The following SGCE variants were observed in gnomAD, a reference collection of about 807,000 sequenced individuals.
The protein encoded by SGCE is sarcoglycan epsilon.
Under a neutral mutation model 57.8 loss-of-function variants are expected in SGCE, and 26 were observed. That is an observed-to-expected ratio of 0.45 (90% CI 0.33 to 0.62). The LOEUF is 0.62. Ranked by LOEUF, SGCE falls within the 20% of genes least tolerant of loss-of-function variation. The pLI is 0.02. For missense variants in SGCE, 468 were observed against 548.6 expected (o/e 0.85, Z 1.47); for synonymous variants, 183 against 189.5 (o/e 0.97, Z 0.28).
intron 5 of SGCE, among the ~76,000 whole-genome samples, chr7:94,606,682 T>C (rs968663983): frequency 2.0e-4 from 30 of 152,178 alleles, no homozygotes; most frequent in Non-Finnish European, 3.1e-4. Flanking sequence ...ACATTCTTCT[T>C]AAGTACACAT....
At chr7:94,645,032 T>C (rs1283424780) in intron 1 of SGCE, among the ~76,000 whole-genome samples, 1 of 152,226 alleles carries the variant, frequency 6.6e-6, no homozygotes, top group Admixed American at 6.5e-5. Flanking sequence ...ACAATGAGAC[T>C]ACCAAGTTTA....
At chr7:94,606,455 T>A (rs1213655616) in intron 5 of SGCE, among the ~76,000 whole-genome samples, 1 of 152,168 alleles carries the variant, frequency 6.6e-6, no homozygotes, top group Non-Finnish European at 1.5e-5. Context: ...ATATGCCTCA[T>A]AACAGTGCAT....
At chr7:94,646,460 C>G (rs1160678222) in intron 1 of SGCE, among the ~76,000 whole-genome samples, 5 of 152,122 alleles carry the variant, frequency 3.3e-5, no homozygotes, top group African/African-American at 1.2e-4. Flanking sequence ...GGGAACAGAA[C>G]TATATATCTC....
chr7:94,608,662 A>C (rs1190827088), intron 5 of SGCE, among the ~76,000 whole-genome samples: 1 of 152,198 alleles, frequency 6.6e-6, no homozygotes, highest in African/African-American at 2.4e-5. Flanking sequence ...ACACTACCCA[A>C]CATCAAGATT....
chr7:94,618,695 GT>G (rs1349144216), intron 5 of SGCE, 62 bp downstream of exon 5: 3 of 1,387,178 alleles, frequency 2.2e-6, no homozygotes, highest in Non-Finnish European at 3.1e-6. Context: ...TCTATAATAA[GT>G]TTGATAAGAT....
chr7:94,614,682 TGTA>T (rs1197533373), intron 5 of SGCE, among the ~76,000 whole-genome samples: 1 of 152,150 alleles, frequency 6.6e-6, no homozygotes, highest in Non-Finnish European at 1.5e-5. Context: ...GGTGTAGAAA[TGTA>T]GTGAGAGAGG....
chr7:94,650,802 C>T (rs1341879635), intron 1 of SGCE, among the ~76,000 whole-genome samples: 1 of 152,208 alleles, frequency 6.6e-6, no homozygotes, highest in African/African-American at 2.4e-5. Context: ...CCCACCGATG[C>T]TAGTTCTACT....
chr7:94,628,139 C>T (rs1584691169), intron 3 of SGCE, 63 bp downstream of exon 3: 2 of 674,290 alleles, frequency 3.0e-6, no homozygotes, highest in Non-Finnish European at 4.2e-6. Flanking sequence ...AATTACAATA[C>T]ACACACACAC....
chr7:94,623,510 G>A (rs1803175844), intron 3 of SGCE, 113 bp from the exon 4 acceptor site: 1 of 726,698 alleles, frequency 1.4e-6, no homozygotes, highest in South Asian at 1.7e-5. Context: ...ATTATTTGTT[G>A]ATATACTTAC....
Position 94,600,821 on chromosome 7 carries a change from C to T in SGCE, c.862G>A (p.Val288Met). The T allele has an allele frequency of 1.2e-6, 2 of 1,612,624 alleles. No individual in the cohort carries two copies. Among genetic ancestry groups the T allele is most frequent in the African/African-American group, 1.3e-5 (1 of 75,040 alleles). Residue 288 changes from valine to methionine, a missense_variant, in exon 7 of 11, where the codon GTG (valine) becomes ATG (methionine). Physicochemically the swap from Val to Met is conservative, Grantham distance 21. Coordinates refer to ENST00000648936, the MANE Select transcript of SGCE (RefSeq NM_003919.3). ...GGTAAAATCCCCTCTCCACGAATCACTTCCTGATAGGTGGACACTTGCTTT... is the reference window on the plus strand; with the variant it reads ...GGTAAAATCCCCTCTCCACGAATCATTTCCTGATAGGTGGACACTTGCTTT... ...KTKQVSTYQE[V>M]IRGEGILPDG... is the part of the protein sequence containing the mutation.
chr7:94,614,106 TCAAAAAAAAAAAA>T (rs1221840284), intron 5 of SGCE, among the ~76,000 whole-genome samples: 1 of 55,172 alleles, frequency 1.8e-5, no homozygotes, highest in Non-Finnish European at 3.4e-5. Context: ...CAAATTGAAA[TCAAAAAAAAAAAA>T]AAAAAAAAAA....
intron 1 of SGCE, among the ~76,000 whole-genome samples, chr7:94,648,715 T>G (rs903527444): frequency 1.3e-5 from 2 of 152,186 alleles, no homozygotes; most frequent in Admixed American, 1.3e-4. Flanking sequence ...GAAAAGCCAA[T>G]GTCATTTTAC....
intron 1 of SGCE, among the ~76,000 whole-genome samples, chr7:94,643,206 T>C (rs1806633007): frequency 6.6e-6 from 1 of 152,226 alleles, no homozygotes; most frequent in Non-Finnish European, 1.5e-5. Context: ...ATTTTAGGTC[T>C]ATGGAATTTT....
chr7:94,621,299 C>G (rs1226575786), intron 4 of SGCE: 1 of 152,356 alleles, frequency 6.6e-6, no homozygotes, highest in East Asian at 1.9e-4. Flanking sequence ...GGGCCACTAA[C>G]CCTACACAAA....
rs369671626 is a variant in SGCE at position 94,589,336 on chromosome 7, TC to T, written c.1254-605del. ...GACATTTCTTTTTGTCTCATTTGGA[TC>T]TGCCCCATTCCTCCCCATCTCCATT... is the stretch of plus-strand genomic sequence containing the variant. On this transcript the variant is annotated intron_variant, in intron 9 of 10. Coordinates refer to ENST00000648936, the MANE Select transcript of SGCE (RefSeq NM_003919.3). The T allele has an allele frequency of 4.7e-3, 737 of 156,732 alleles. 3 individuals carry two copies. Among genetic ancestry groups the T allele is most frequent in the African/African-American group, 0.017 (700 of 41,562 alleles). 9.7% of individuals were successfully genotyped at this position (156,732 alleles called of 1,614,324 possible). A position where few individuals can be genotyped will look rare whatever the true frequency, so the allele number is the denominator to read the frequency against.
chr7:94,608,019 T>C (rs1800419384), intron 5 of SGCE, among the ~76,000 whole-genome samples: 1 of 152,160 alleles, frequency 6.6e-6, no homozygotes, highest in Non-Finnish European at 1.5e-5. Context: ...ATCACTTTCC[T>C]ATATACCAGC....
chr7:94,620,395 ATGT>A lies in SGCE; in HGVS notation c.464-1442_464-1440del, dbSNP rs553023609. 638 of 152,262 alleles carry A rather than the reference ATGT, an allele frequency of 4.2e-3. 3 individuals are homozygous for A. Among genetic ancestry groups the A allele is most frequent in the African/African-American group, 0.014 (569 of 41,562 alleles). The allele number at this position is 152,262 out of a possible 1,614,324, so 9.4% of individuals were successfully genotyped here. ...CTTACAATTTTGTTAGATTTCCTTA[ATGT>A]ATAGCCCATCTGCAATTTAAAATAT... On this transcript the variant is annotated intron_variant, in intron 4 of 10. Transcript: ENST00000648936.
chr7:94,639,481 G>T, intron 1 of SGCE: 1 of 1,281,130 alleles, frequency 7.8e-7, no homozygotes, highest in South Asian at 1.3e-5. Context: ...ACAAAAAAAT[G>T]AAATTAATGT....
chr7:94,587,871 A>T, intron 10 of SGCE: 2 of 1,519,104 alleles, frequency 1.3e-6, no homozygotes, highest in Non-Finnish European at 1.8e-6. Flanking sequence ...CATCCAACAC[A>T]TTTCTGAATG....
Sources: gnomAD v4.1 joint callset for allele counts (sites outside exome capture counted in the v4.1 genomes callset) on GRCh38, gnomAD v4.1.1 for gene constraint, MANE v1.5 for transcripts, NCBI Gene and HGNC (gene_info 2026-07-23, HGNC 2026-07-21) for gene names.